The following QPCTL variants were observed in gnomAD, a reference collection of about 807,000 sequenced individuals.
QPCTL encodes glutaminyl-peptide cyclotransferase-like protein.
A neutral mutation model predicts 34.6 loss-of-function variants in QPCTL; 31 were observed. That is an observed-to-expected ratio of 0.90 (90% CI 0.67 to 1.21). QPCTL has a LOEUF of 1.21. Among genes scored for constraint, QPCTL ranks in the 50% most tolerant of loss-of-function variants. QPCTL has a pLI of 0.00. For synonymous variants in QPCTL, 223 were observed against 226.9 expected (o/e 0.98, Z 0.15); for missense variants, 474 against 507.8 (o/e 0.93, Z 0.64).
At chr19:45,700,161 G>T (rs1967782214) in intron 5 of QPCTL, among the ~76,000 whole-genome samples, 2 of 151,354 alleles carry the variant, frequency 1.3e-5, no homozygotes, top group Non-Finnish European at 2.9e-5. Context: ...AAAAATAAAG[G>T]CTTGGCTGGG....
chr19:45,698,028 A>G (rs1391941635), intron 3 of QPCTL, among the ~76,000 whole-genome samples: 3 of 152,120 alleles, frequency 2.0e-5, no homozygotes, highest in African/African-American at 7.2e-5. Context: ...GGATCATTTG[A>G]GGTCAGGAGT....
intron 3 of QPCTL, 200 bp from the exon 4 acceptor site, chr19:45,698,347 C>T: frequency 1.7e-6 from 1 of 590,378 alleles, no homozygotes; most frequent in South Asian, 2.6e-5. Flanking sequence ...CTTCCCCATG[C>T]CTGCTTTGTT....
At position 45,695,567 on chromosome 19, in the gene QPCTL, G is replaced by A. The variant is rs80339864; in HGVS notation, c.482G>A (p.Arg161His). 6,837 of 1,614,020 alleles carry A rather than the reference G, an allele frequency of 4.2e-3. 268 individuals carry two copies. In the African/African-American group the frequency reaches 0.078, roughly 18 times the overall value. ...GCCACACTGGACCCAAGGGCTGCCC[G>A]TCACCTCACCCTTGCCTGCCATTAT... ...VVATLDPRAA[R>H]HLTLACHYDS... The change falls in exon 3 of 7, where the codon CGT (arginine) becomes CAT (histidine). Residue 161 changes from arginine to histidine, a missense_variant. By Grantham distance (29) the Arg-to-His change is conservative. Transcript: ENST00000012049.
intron 2 of QPCTL, among the ~76,000 whole-genome samples, chr19:45,694,119 C>T (rs1412679416): frequency 6.6e-6 from 1 of 152,198 alleles, no homozygotes; most frequent in African/African-American, 2.4e-5. Flanking sequence ...GTGGTTCACA[C>T]CTCTAATCCC....
intron 5 of QPCTL, among the ~76,000 whole-genome samples, chr19:45,700,229 A>G (rs1406504255): frequency 1.3e-5 from 2 of 151,898 alleles, no homozygotes; most frequent in African/African-American, 4.8e-5. Flanking sequence ...GGTGGATCAC[A>G]AGGTCAGGAG....
intron 2 of QPCTL, among the ~76,000 whole-genome samples, chr19:45,693,980 C>T (rs1230407960): frequency 6.6e-6 from 1 of 152,154 alleles, no homozygotes; most frequent in Non-Finnish European, 1.5e-5. Context: ...CCTAGTCAAC[C>T]TAGTGAGACC....
At chr19:45,698,410 C>A in intron 3 of QPCTL, 137 bp from the exon 4 acceptor site, 1 of 1,059,672 alleles carries the variant, frequency 9.4e-7, no homozygotes, top group Non-Finnish European at 1.3e-6. Context: ...GGAATCTGTG[C>A]TCTTGGCTAC....
chr19:45,699,219 G>T (rs896981203), intron 5 of QPCTL, among the ~76,000 whole-genome samples: 4 of 151,830 alleles, frequency 2.6e-5, no homozygotes, highest in Admixed American at 2.0e-4. Context: ...TTTTAGTAGA[G>T]ACAGAGTTTC....
chr19:45,697,797 C>T (rs1321449875), intron 3 of QPCTL, among the ~76,000 whole-genome samples: 2 of 152,192 alleles, frequency 1.3e-5, no homozygotes, highest in African/African-American at 4.8e-5. Context: ...AAGCATTTGT[C>T]TCAACTGCAT....
Position 45,693,555 on chromosome 19 carries a change from A to G in QPCTL, c.350A>G (p.Lys117Arg), listed in dbSNP as rs906544565. 1 of 1,610,524 alleles carries G rather than the reference A, an allele frequency of 6.2e-7. No homozygotes were observed. The highest frequency in any genetic ancestry group is 1.7e-5 in the Admixed American group (1 of 59,698). Residue 117 changes from lysine to arginine, a missense_variant and splice_region_variant, in exon 2 of 7, where the codon AAG becomes AGG. By Grantham distance (26) the Lys-to-Arg change is conservative (BLOSUM62 2). Coordinates refer to ENST00000012049, the MANE Select transcript of QPCTL (RefSeq NM_017659.4). Reference sequence around the variant, plus strand: ...AGCCCGGGAAATCTCCAAGTCAGAAAGGTAAAGGGACCCACCTCCAGTCCC... The same window carrying G: ...AGCCCGGGAAATCTCCAAGTCAGAAGGGTAAAGGGACCCACCTCCAGTCCC... ...PGSPGNLQVR[K>R]FLEATLRSLT...
Position 45,698,670 on chromosome 19 carries a change from AGCCCCG to A in QPCTL, c.763_768del (p.Gly255_Pro256del). 1 of 1,614,088 alleles carries A rather than the reference AGCCCCG, an allele frequency of 6.2e-7. No individual in the cohort carries two copies. The highest frequency in any genetic ancestry group is 8.5e-7 in the Non-Finnish European group (1 of 1,180,008). On this transcript the variant is annotated inframe_deletion, in exon 4 of 7. Transcript: ENST00000012049. ...CCAGCTCATGGAGTCTATACCTCAC[AGCCCCG>A]GCCCCACCAGGATCCAGGCTATTGT...
chr19:45,700,099 C>CA (rs1156596687), intron 5 of QPCTL, among the ~76,000 whole-genome samples: 3 of 147,164 alleles, frequency 2.0e-5, no homozygotes, highest in African/African-American at 5.0e-5. Flanking sequence ...GACTCTGTCT[C>CA]AAAAAAAAGT....
intron 5 of QPCTL, among the ~76,000 whole-genome samples, chr19:45,701,152 G>T (rs1007481977): frequency 6.6e-6 from 1 of 151,974 alleles, no homozygotes; most frequent in Admixed American, 6.6e-5. Context: ...AGGCATGGGG[G>T]CATGCGCCTG....
intron 1 of QPCTL, 104 bp from the exon 2 acceptor site, chr19:45,693,309 A>G: frequency 7.1e-7 from 1 of 1,400,344 alleles, no homozygotes; most frequent in Middle Eastern, 2.6e-4. Context: ...GCGGCAGATT[A>G]GGAAGAGAAC....
At chr19:45,695,079 G>C (rs1967662706) in intron 2 of QPCTL, among the ~76,000 whole-genome samples, 1 of 151,982 alleles carries the variant, frequency 6.6e-6, no homozygotes, top group Admixed American at 6.6e-5. Context: ...GAGGTCAGGA[G>C]TTCGAATACC....
At chr19:45,700,687 C>G (rs569023628) in intron 5 of QPCTL, among the ~76,000 whole-genome samples, 2 of 151,902 alleles carry the variant, frequency 1.3e-5, no homozygotes, top group South Asian at 4.2e-4. Context: ...GGGGCCGGGC[C>G]TGGTGGCTCA....
At chr19:45,692,996 G>A in intron 1 of QPCTL, 86 bp downstream of exon 1, 2 of 1,351,172 alleles carry the variant, frequency 1.5e-6, no homozygotes, top group Non-Finnish European at 2.0e-6. Context: ...TTAGCGTACG[G>A]CCCTAACCGC....
At chr19:45,693,834 CAG>C (rs1257768242) in intron 2 of QPCTL, among the ~76,000 whole-genome samples, 1 of 152,166 alleles carries the variant, frequency 6.6e-6, no homozygotes, top group South Asian at 2.1e-4. Flanking sequence ...AACTGAGGCT[CAG>C]AGAGGTTATA....
chr19:45,698,830 A>G lies in QPCTL; in HGVS notation c.816A>G (p.Gly272=). Residue 272 remains glycine (G), a synonymous_variant, in exon 5 of 7, where the codon GGA becomes GGG. Coordinates refer to ENST00000012049, the MANE Select transcript of QPCTL (RefSeq NM_017659.4). ...IELFMLLDLL[G]APNPTFYSHF... ...TCTTTATGCTTCTTGATCTCCTGGGAGCCCCCAATCCCACCTTCTACAGCC... is the reference window on the plus strand; with the variant it reads ...TCTTTATGCTTCTTGATCTCCTGGGGGCCCCCAATCCCACCTTCTACAGCC... 6.2e-7 allele frequency: 1 copy of G among 1,612,978 alleles called. No homozygotes were observed. Among genetic ancestry groups the G allele is most frequent in the Non-Finnish European group, 8.5e-7 (1 of 1,179,736 alleles).
Sources: allele counts gnomAD v4.1 joint callset (sites outside exome capture counted in the v4.1 genomes callset), GRCh38; gene constraint gnomAD v4.1.1; transcripts MANE v1.5; gene names NCBI Gene and HGNC (gene_info 2026-07-23, HGNC 2026-07-21).